OPRM1: variants seen among roughly 807,000 people sequenced by gnomAD.
OPRM1 encodes opioid receptor mu 1, also known as mu-type opioid receptor.
A neutral mutation model predicts 31.8 loss-of-function variants in OPRM1; 27 were observed. The observed-to-expected ratio is 0.85, with a 90% CI of 0.63 to 1.17. The LOEUF (loss-of-function observed/expected upper bound fraction) is 1.17. OPRM1 is among the 50% of genes most tolerant of loss of function. The pLI, the probability that OPRM1 is intolerant of heterozygous loss-of-function variation, is 0.00. For synonymous variants in OPRM1, 196 were observed against 189.9 expected, an observed-to-expected ratio of 1.03 and a Z score of -0.26; for missense variants, 536 against 511.1, an observed-to-expected ratio of 1.05 and a Z score of -0.47.
At chr6:154,117,858 GGTGTGT>G (rs60794328) in intron 3 of OPRM1, among the ~76,000 whole-genome samples, 8 of 145,660 alleles carry the variant, frequency 5.5e-5, no homozygotes, top group African/African-American at 1.5e-4. Context: ...TTAAAAAGAT[GGTGTGT>G]GTGTGTGTGT....
chr6:154,100,137 A>ATAT (rs1794515138), intron 3 of OPRM1, among the ~76,000 whole-genome samples: 2 of 95,064 alleles, frequency 2.1e-5, no homozygotes, highest in African/African-American at 8.8e-5. Flanking sequence ...ATGACATATA[A>ATAT]TATATATTAT....
intron 1 of OPRM1, among the ~76,000 whole-genome samples, chr6:154,083,943 CA>C (rs57976654): frequency 0.12 from 4,237 of 35,064 alleles, 16 homozygotes; most frequent in Non-Finnish European, 0.17. Flanking sequence ...GACTCCGTCT[CA>C]AAAAAAAAAA....
rs147106962 is a variant in OPRM1 at position 154,230,164 on chromosome 6, A to G, written c.1165-16529A>G. Among the ~76,000 whole-genome samples, 5 of 152,346 alleles carry G rather than the reference A, an allele frequency of 3.3e-5. No homozygotes were observed. The East Asian group carries it at 5.8e-4, about 18-fold the overall frequency. ...GTTGCATCACTTGGTAAATCTACCA[A>G]AAATGAATGAACTGCAAATTTGAAT... On this transcript the variant is annotated intron_variant, in intron 3 of 3. Coordinates refer to the OPRM1 transcript ENST00000337049.
At chr6:154,074,626 G>T (rs1356501989) in intron 1 of OPRM1, among the ~76,000 whole-genome samples, 3 of 152,158 alleles carry the variant, frequency 2.0e-5, no homozygotes, top group Middle Eastern at 3.4e-3. Flanking sequence ...CAGGCGTGGT[G>T]GTACACTCCT....
intron 3 of OPRM1, among the ~76,000 whole-genome samples, chr6:154,191,966 A>G (rs1394414456): frequency 6.6e-6 from 1 of 152,164 alleles, no homozygotes; most frequent in Non-Finnish European, 1.5e-5. Context: ...AGAGCCCACA[A>G]CTGAAAAAAA....
At chr6:154,238,360 A>G (rs1034059558) in intron 3 of OPRM1, among the ~76,000 whole-genome samples, 1 of 152,056 alleles carries the variant, frequency 6.6e-6, no homozygotes, top group African/African-American at 2.4e-5. Flanking sequence ...GGTTCAAGCG[A>G]TTCTCCTGCC....
intron 3 of OPRM1, among the ~76,000 whole-genome samples, chr6:154,101,231 G>A (rs1008642577): frequency 5.3e-5 from 8 of 151,878 alleles, no homozygotes; most frequent in East Asian, 1.9e-4. Context: ...ATAATTTGTC[G>A]ACTTAAGAAG....
At chr6:154,167,830 C>T (rs566875086) in intron 3 of OPRM1, 1 of 972,366 alleles carries the variant, frequency 1.0e-6, no homozygotes, top group African/African-American at 1.6e-5. Context: ...ACCACACAAA[C>T]ATGCTGTGAT....
At chr6:154,054,636 A>G (rs866205647) in intron 1 of OPRM1, among the ~76,000 whole-genome samples, 3 of 152,258 alleles carry the variant, frequency 2.0e-5, no homozygotes, top group African/African-American at 7.2e-5. Flanking sequence ...TAGTAAATTA[A>G]ATTATCTTGC....
chr6:154,029,392 C>G (rs73788965), intron 1 of OPRM1, among the ~76,000 whole-genome samples: 2 of 152,108 alleles, frequency 1.3e-5, no homozygotes, highest in Non-Finnish European at 2.9e-5. Context: ...AATCTTGAAA[C>G]TGCCTTCAAA....
At chr6:154,180,632 G>A (rs1328138298) in intron 3 of OPRM1, among the ~76,000 whole-genome samples, 1 of 151,984 alleles carries the variant, frequency 6.6e-6, no homozygotes. Flanking sequence ...ACTGTATGCA[G>A]ATTATCTCTT....
At chr6:154,245,214 G>A (rs1780930542) in intron 3 of OPRM1, among the ~76,000 whole-genome samples, 1 of 151,992 alleles carries the variant, frequency 6.6e-6, no homozygotes, top group Non-Finnish European at 1.5e-5. Flanking sequence ...GTGGAAAACT[G>A]CACACTCTGC....
In OPRM1 at chr6:154,195,398, C is replaced by T. The variant is rs1489717396; in HGVS notation, c.1165-51295C>T. 3.3e-5 allele frequency among the ~76,000 whole-genome samples: 5 copies of T among 152,210 alleles called. No homozygotes were observed. In the East Asian group the frequency reaches 5.8e-4, roughly 18 times the overall value. ...TCCTGACCTTGTGATCCGCCCACCT[C>T]GGCCTCCCAAAGTGCTGGGATTACA... On this transcript the variant is annotated intron_variant, in intron 3 of 3. Coordinates refer to the OPRM1 transcript ENST00000337049.
intron 1 of OPRM1, among the ~76,000 whole-genome samples, chr6:154,059,832 T>A (rs1784056937): frequency 6.6e-6 from 1 of 152,236 alleles, no homozygotes; most frequent in African/African-American, 2.4e-5. Context: ...TGAAAGTAAC[T>A]TTTAAGTCAT....
At chr6:154,143,422 T>G (rs1233721886) in intron 3 of OPRM1, among the ~76,000 whole-genome samples, 1 of 152,230 alleles carries the variant, frequency 6.6e-6, no homozygotes, top group African/African-American at 2.4e-5. Flanking sequence ...ATTAAAATTA[T>G]TGGTCATGAT....
chr6:154,023,085 A>T (rs1421760333), intron 1 of OPRM1, among the ~76,000 whole-genome samples: 2 of 152,206 alleles, frequency 1.3e-5, no homozygotes, highest in Non-Finnish European at 2.9e-5. Context: ...CTTTCTGTGA[A>T]GAATGTCATT....
At chr6:154,090,734 T>G (rs1254385147) in intron 2 of OPRM1, among the ~76,000 whole-genome samples, 2 of 152,172 alleles carry the variant, frequency 1.3e-5, no homozygotes, top group Non-Finnish European at 2.9e-5. Context: ...GTGATCGAAG[T>G]GGACTGCAAA....
chr6:154,109,786 C>CTGTG (rs1437900032), intron 3 of OPRM1, among the ~76,000 whole-genome samples: 5 of 92,372 alleles, frequency 5.4e-5, no homozygotes, highest in African/African-American at 1.9e-4. Context: ...CTCTCTCTCT[C>CTGTG]TCTCTCTGTG....
chr6:154,057,299 TAGACA>T (rs1783503811), intron 1 of OPRM1, among the ~76,000 whole-genome samples: 3 of 152,314 alleles, frequency 2.0e-5, no homozygotes, highest in South Asian at 2.1e-4. Flanking sequence ...GTGAGCAAAA[TAGACA>T]CAGTCTGACT....
Sources: gnomAD v4.1 joint callset for allele counts (sites outside exome capture counted in the v4.1 genomes callset) on GRCh38, gnomAD v4.1.1 for gene constraint, MANE v1.5 for transcripts, NCBI Gene and HGNC (gene_info 2026-07-23, HGNC 2026-07-21) for gene names.